CDH18: variants seen among roughly 807,000 people sequenced by gnomAD.
CDH18 encodes the protein cadherin-18.
Under a neutral mutation model 67.9 loss-of-function variants are expected in CDH18, and 31 were observed. The observed-to-expected ratio is 0.46, with a 90% CI of 0.34 to 0.62. The LOEUF (loss-of-function observed/expected upper bound fraction) is 0.62. CDH18 is among the 20% of genes least tolerant of loss of function. CDH18 has a pLI of 0.01. For missense variants in CDH18, 890 were observed against 975.5 expected, an observed-to-expected ratio of 0.91 and a Z score of 1.17; for synonymous variants, 362 against 347.2, an observed-to-expected ratio of 1.04 and a Z score of -0.48.
At chr5:20,006,380 A>T (rs562515302) in intron 2 of CDH18, among the ~76,000 whole-genome samples, 1 of 152,112 alleles carries the variant, frequency 6.6e-6, no homozygotes, top group African/African-American at 2.4e-5. Context: ...TACCAAAAGA[A>T]TTTAAAATAG....
intron 1 of CDH18, among the ~76,000 whole-genome samples, chr5:20,547,013 C>T (rs765338060): frequency 2.6e-5 from 4 of 151,976 alleles, no homozygotes; most frequent in East Asian, 1.9e-4. Flanking sequence ...TTCCTACACA[C>T]GCTGTCTATC....
intron 3 of CDH18, among the ~76,000 whole-genome samples, chr5:19,801,162 G>T (rs915218895): frequency 6.6e-6 from 1 of 152,010 alleles, no homozygotes; most frequent in African/African-American, 2.4e-5. Flanking sequence ...AATAGAGGTG[G>T]CATGAAGACG....
chr5:19,859,429 T>C (rs1784640104), intron 2 of CDH18, among the ~76,000 whole-genome samples: 1 of 152,100 alleles, frequency 6.6e-6, no homozygotes, highest in African/African-American at 2.4e-5. Flanking sequence ...TATTCTGAAA[T>C]AACCCTGAAA....
chr5:20,095,621 A>G (rs189172324), intron 2 of CDH18, among the ~76,000 whole-genome samples: 40 of 151,900 alleles, frequency 2.6e-4, no homozygotes, highest in Middle Eastern at 6.8e-3. Context: ...AGAAAAGAAA[A>G]GAAAGAAAGG....
chr5:20,149,257 A>G (rs1468054986), intron 2 of CDH18, among the ~76,000 whole-genome samples: 1 of 152,192 alleles, frequency 6.6e-6, no homozygotes, highest in Non-Finnish European at 1.5e-5. Context: ...TACCTTCACT[A>G]TATAAATACA....
intron 1 of CDH18, among the ~76,000 whole-genome samples, chr5:20,474,092 A>G (rs1482504669): frequency 6.6e-6 from 1 of 152,054 alleles, no homozygotes; most frequent in East Asian, 1.9e-4. Flanking sequence ...AATCTAACTG[A>G]AATATATTTA....
chr5:20,237,163 G>A (rs1742536450), intron 2 of CDH18, among the ~76,000 whole-genome samples: 2 of 151,830 alleles, frequency 1.3e-5, no homozygotes, highest in Admixed American at 1.3e-4. Flanking sequence ...AGAAATAGAA[G>A]AGAACTACAG....
chr5:19,782,888 G>A (rs1035490005), intron 3 of CDH18, among the ~76,000 whole-genome samples: 2 of 152,122 alleles, frequency 1.3e-5, no homozygotes, highest in African/African-American at 2.4e-5. Context: ...AAAAGCTAAT[G>A]AGGACTAGAT....
intron 1 of CDH18, among the ~76,000 whole-genome samples, chr5:20,462,615 T>A (rs1751351163): frequency 6.6e-6 from 1 of 152,184 alleles, no homozygotes; most frequent in African/African-American, 2.4e-5. Context: ...ATCCCATATA[T>A]ATGTACAAAT....
intron 2 of CDH18, among the ~76,000 whole-genome samples, chr5:20,180,830 G>A (rs1019961411): frequency 1.2e-4 from 19 of 152,084 alleles, no homozygotes; most frequent in Non-Finnish European, 2.5e-4. Context: ...GTTGCATTGC[G>A]GGCTGCTGGC....
chr5:20,495,073 A>C (rs1753825920), intron 1 of CDH18, among the ~76,000 whole-genome samples: 1 of 152,178 alleles, frequency 6.6e-6, no homozygotes, highest in African/African-American at 2.4e-5. Context: ...AAAACACCTG[A>C]ATATAACATT....
chr5:19,716,684 A>T (rs1353724821), intron 5 of CDH18, among the ~76,000 whole-genome samples: 1 of 152,032 alleles, frequency 6.6e-6, no homozygotes, highest in African/African-American at 2.4e-5. Context: ...CTCCTTTTTA[A>T]TATCATGTAA....
intron 4 of CDH18, among the ~76,000 whole-genome samples, chr5:19,737,545 T>C (rs1263428264): frequency 6.6e-6 from 1 of 152,180 alleles, no homozygotes; most frequent in African/African-American, 2.4e-5. Flanking sequence ...GCTTTCTCTC[T>C]GTGCCTGATC....
At chr5:19,811,045 G>A (rs1384674237) in intron 3 of CDH18, among the ~76,000 whole-genome samples, 2 of 146,332 alleles carry the variant, frequency 1.4e-5, no homozygotes, top group East Asian at 4.1e-4. Context: ...AAAGGAAAGG[G>A]AAAGGGAAAG....
intron 2 of CDH18, among the ~76,000 whole-genome samples, chr5:19,842,925 T>G (rs2150041762): frequency 6.6e-6 from 1 of 152,286 alleles, no homozygotes; most frequent in Middle Eastern, 3.4e-3. Context: ...TGGTGCCATT[T>G]TGTCCGTGTA....
intron 1 of CDH18, among the ~76,000 whole-genome samples, chr5:20,325,210 C>CTTA (rs1738444018): frequency 6.6e-6 from 1 of 152,312 alleles, no homozygotes; most frequent in Admixed American, 6.5e-5. Context: ...TTAAACCAAT[C>CTTA]TTTAATAAGT....
intron 2 of CDH18, among the ~76,000 whole-genome samples, chr5:19,856,526 A>G (rs1229084346): frequency 6.6e-6 from 1 of 152,166 alleles, no homozygotes; most frequent in African/African-American, 2.4e-5. Flanking sequence ...AAAGATTTGT[A>G]AAGTATCACT....
rs1373985070 is a variant in CDH18 at position 20,460,437 on chromosome 5, AAAT to A, written c.-580+115022_-580+115024del. Among the ~76,000 whole-genome samples the A allele has an allele frequency of 8.7e-4, 118 of 135,002 alleles. 1 individual carries two copies. Among genetic ancestry groups the A allele is most frequent in the African/African-American group, 2.9e-3 (101 of 34,790 alleles). 88.6% of individuals were successfully genotyped at this position (135,002 alleles called of 152,430 possible). A position where few individuals can be genotyped will look rare whatever the true frequency, so the allele number is the denominator to read the frequency against. On this transcript the variant is annotated intron_variant, in intron 1 of 14. Coordinates refer to the CDH18 transcript ENST00000507958. The stretch of plus-strand genomic sequence containing the variant: ...TAAATAAATAAATAAATAAATAAAT[AAAT>A]AAAATATGTTGCGTGACTGAGGCAT...
intron 1 of CDH18, among the ~76,000 whole-genome samples, chr5:20,387,463 T>C (rs1744405918): frequency 6.6e-6 from 1 of 152,188 alleles, no homozygotes. Context: ...TAAGGAGATT[T>C]TGGGCTGAGA....
Sources: allele counts gnomAD v4.1 joint callset (sites outside exome capture counted in the v4.1 genomes callset), GRCh38; gene constraint gnomAD v4.1.1; transcripts MANE v1.5; gene names NCBI Gene and HGNC (gene_info 2026-07-23, HGNC 2026-07-21).